The following MLIP variants were observed in gnomAD, a reference collection of about 807,000 sequenced individuals.
The protein encoded by MLIP is muscular LMNA interacting protein.
In MLIP, 79 loss-of-function variants were observed where a neutral mutation model predicts 84.8. The ratio of observed to expected loss-of-function variants is 0.93; its 90% CI spans 0.78 to 1.12. MLIP has a LOEUF of 1.12. MLIP is among the 50% of genes most tolerant of loss of function. The probability of loss-of-function intolerance (pLI) is 0.00; values close to 1 mark genes in which losing one functional copy is unlikely to be tolerated. For missense variants in MLIP, 1,257 were observed against 1,160.6 expected (o/e 1.08, Z -1.21); for synonymous variants, 504 against 463.0 (o/e 1.09, Z -1.14).
intron 9 of MLIP, among the ~76,000 whole-genome samples, chr6:54,182,041 C>T (rs1313826350): frequency 6.6e-6 from 1 of 152,194 alleles, no homozygotes; most frequent in Non-Finnish European, 1.5e-5. Context: ...TCATGTACCA[C>T]CCTAGTCTAC....
chr6:54,254,762 TCCTTC>T (rs1267220729), intron 12 of MLIP, among the ~76,000 whole-genome samples: 3 of 143,648 alleles, frequency 2.1e-5, no homozygotes, highest in East Asian at 4.5e-4. Context: ...CTTCCTTCCT[TCCTTC>T]CCTTCCTCCC....
intron 3 of MLIP, 53 bp downstream of exon 3, chr6:54,124,918 C>G (rs572578224): frequency 6.7e-7 from 1 of 1,498,580 alleles, no homozygotes; most frequent in African/African-American, 1.4e-5. Flanking sequence ...TTTATGCACC[C>G]TTTGTCTTGG....
intron 12 of MLIP, among the ~76,000 whole-genome samples, chr6:54,236,617 AT>A (rs1248519357): frequency 1.3e-4 from 18 of 142,536 alleles, no homozygotes; most frequent in Non-Finnish European, 2.5e-4. Context: ...AAAAAAAAAA[AT>A]TGTCCTTTTT....
At chr6:54,252,329 C>A (rs866483283) in intron 12 of MLIP, among the ~76,000 whole-genome samples, 31 of 109,746 alleles carry the variant, frequency 2.8e-4, no homozygotes, top group South Asian at 1.9e-3. Context: ...ATATATTATA[C>A]CATATAATAT....
chr6:54,119,504 C>T (rs1016554109), intron 1 of MLIP, among the ~76,000 whole-genome samples: 2 of 151,964 alleles, frequency 1.3e-5, no homozygotes, highest in Admixed American at 6.6e-5. Flanking sequence ...ATAGAAGTAA[C>T]GAGTAAAATA....
chr6:54,125,181 T>C (rs1582207985), intron 3 of MLIP, among the ~76,000 whole-genome samples: 1 of 152,168 alleles, frequency 6.6e-6, no homozygotes, highest in South Asian at 2.1e-4. Context: ...TATGAGGAGT[T>C]TCTTTAGTCA....
intron 8 of MLIP, among the ~76,000 whole-genome samples, chr6:54,162,400 A>G (rs1774736985): frequency 6.6e-6 from 1 of 152,044 alleles, no homozygotes; most frequent in South Asian, 2.1e-4. Context: ...GATGTTGAGA[A>G]ACTGGGTTAA....
chr6:54,122,617 G>A (rs552257163), intron 2 of MLIP, among the ~76,000 whole-genome samples: 13 of 152,050 alleles, frequency 8.5e-5, no homozygotes, highest in Non-Finnish European at 1.9e-4. Context: ...CATGATCCTG[G>A]GGTTTTCAAT....
chr6:54,114,725 G>C (rs1421603150), intron 1 of MLIP, among the ~76,000 whole-genome samples: 1 of 152,172 alleles, frequency 6.6e-6, no homozygotes, highest in African/African-American at 2.4e-5. Flanking sequence ...AACTCCATGA[G>C]GGTAGGGATT....
chr6:54,152,595 C>T (rs1028947426), intron 5 of MLIP, among the ~76,000 whole-genome samples: 1 of 152,140 alleles, frequency 6.6e-6, no homozygotes, highest in African/African-American at 2.4e-5. Flanking sequence ...TTACCTCCCT[C>T]TGGGTCCCTC....
intron 1 of MLIP, among the ~76,000 whole-genome samples, chr6:54,021,635 T>A (rs537380655): frequency 2.0e-5 from 3 of 152,340 alleles, no homozygotes; most frequent in African/African-American, 7.2e-5. Flanking sequence ...GGTGAGTGAA[T>A]TGCTACTTTT....
rs540654552 is a variant in MLIP, at chr6:54,233,286, G to A, written c.2922+2369G>A. The stretch of plus-strand genomic sequence containing the variant: ...GGTTGTTTGCTGCACCCATCAACCC[G>A]TCATCTACATTAGGTATTTCTCCTA... On this transcript the variant is annotated intron_variant, in intron 12 of 13. Transcript: ENST00000502396. 1.3e-4 allele frequency among the ~76,000 whole-genome samples: 20 copies of A among 152,028 alleles called. No individual in the cohort carries two copies. The South Asian group carries it at 3.5e-3, about 27-fold the overall frequency.
intron 1 of MLIP, among the ~76,000 whole-genome samples, chr6:54,060,610 T>A (rs1323222986): frequency 6.6e-6 from 1 of 152,214 alleles, no homozygotes; most frequent in Non-Finnish European, 1.5e-5. Flanking sequence ...TACATATCAG[T>A]TACATTTCGA....
chr6:54,079,422 G>A (rs953906064), intron 1 of MLIP: 51 of 152,116 alleles, frequency 3.4e-4, no homozygotes, highest in East Asian at 1.9e-4. Context: ...GATGACTTGA[G>A]CTCATTCTCT....
chr6:54,045,206 G>A (rs1170864475), intron 1 of MLIP, among the ~76,000 whole-genome samples: 1 of 151,980 alleles, frequency 6.6e-6, no homozygotes, highest in African/African-American at 2.4e-5. Context: ...AAATTACCCA[G>A]GCATGGTGGC....
At chr6:54,261,583 G>T (rs1293511250) in intron 13 of MLIP, 1 of 985,016 alleles carries the variant, frequency 1.0e-6, no homozygotes, top group East Asian at 1.1e-4. Context: ...TGACTGATTT[G>T]CCACTTTGGT....
At chr6:54,253,238 A>G (rs948142019) in intron 12 of MLIP, among the ~76,000 whole-genome samples, 1 of 152,096 alleles carries the variant, frequency 6.6e-6, no homozygotes, top group Non-Finnish European at 1.5e-5. Flanking sequence ...CTTTTGAGGG[A>G]TGGTCTTGAG....
intron 8 of MLIP, among the ~76,000 whole-genome samples, chr6:54,168,568 C>T (rs1251337218): frequency 6.6e-6 from 1 of 151,722 alleles, no homozygotes; most frequent in East Asian, 1.9e-4. Context: ...CTTCTGTTCA[C>T]CAATAAGTCC....
intron 1 of MLIP, among the ~76,000 whole-genome samples, chr6:54,076,899 A>G (rs913512780): frequency 2.0e-5 from 3 of 152,194 alleles, no homozygotes; most frequent in Non-Finnish European, 4.4e-5. Flanking sequence ...AAAGAAAAAA[A>G]AAGAGACAGA....
Sources: gnomAD v4.1 joint callset for allele counts (sites outside exome capture counted in the v4.1 genomes callset) on GRCh38, gnomAD v4.1.1 for gene constraint, MANE v1.5 for transcripts, NCBI Gene and HGNC (gene_info 2026-07-23, HGNC 2026-07-21) for gene names.